The following SLC9A2 variants were observed in gnomAD, a reference collection of about 807,000 sequenced individuals.
SLC9A2 encodes the protein solute carrier family 9 member A2, also known as sodium/hydrogen exchanger 2.
Under a neutral mutation model 71.7 loss-of-function variants are expected in SLC9A2, and 42 were observed. The ratio of observed to expected loss-of-function variants is 0.59; its 90% CI spans 0.46 to 0.76. SLC9A2 has a LOEUF of 0.76. Ranked by LOEUF, SLC9A2 falls within the 30% of genes least tolerant of loss-of-function variation. The pLI is 0.00. For synonymous variants in SLC9A2, 396 were observed against 392.5 expected (o/e 1.01, Z -0.10); for missense variants, 829 against 1,017.4 (o/e 0.81, Z 2.52).
chr2:102,700,862 C>A (rs1677859835), intron 7 of SLC9A2, among the ~76,000 whole-genome samples: 1 of 151,798 alleles, frequency 6.6e-6, no homozygotes, highest in Non-Finnish European at 1.5e-5. Flanking sequence ...CATACATATA[C>A]ATACGCATAC....
At chr2:102,671,844 G>A (rs973297728) in intron 3 of SLC9A2, among the ~76,000 whole-genome samples, 4 of 152,286 alleles carry the variant, frequency 2.6e-5, no homozygotes, top group South Asian at 4.1e-4. Context: ...GGTGGCTCAC[G>A]CTTGCAATCC....
rs1678007888 is a variant in SLC9A2 at position 102,707,657 on chromosome 2, G to C, written c.2069-462G>C. Among the ~76,000 whole-genome samples, 3 of 152,322 alleles carry C rather than the reference G, an allele frequency of 2.0e-5. No homozygotes were observed. In the South Asian group the frequency reaches 6.2e-4, roughly 32 times the overall value. On this transcript the variant is annotated intron_variant, in intron 11 of 11. Coordinates refer to ENST00000233969, the MANE Select transcript of SLC9A2 (RefSeq NM_003048.6). ...GATCAAGGCAAGAATCTTCTCCATAGCAGGTGATTATCAGACTGCCTACTG... is the reference window on the plus strand; with the variant it reads ...GATCAAGGCAAGAATCTTCTCCATACCAGGTGATTATCAGACTGCCTACTG...
chr2:102,645,019 A>AG (rs1676690318), intron 1 of SLC9A2, among the ~76,000 whole-genome samples: 1 of 152,286 alleles, frequency 6.6e-6, no homozygotes, highest in Non-Finnish European at 1.5e-5. Context: ...ACCTCCCAGC[A>AG]GGGGTCGACA....
intron 1 of SLC9A2, among the ~76,000 whole-genome samples, chr2:102,643,473 G>C (rs1676651250): frequency 6.6e-6 from 1 of 152,178 alleles, no homozygotes; most frequent in South Asian, 2.1e-4. Context: ...TCTAGATAAA[G>C]CCGGCTATTG....
At chr2:102,665,453 T>C in intron 3 of SLC9A2, 103 bp downstream of exon 3, 2 of 1,240,446 alleles carry the variant, frequency 1.6e-6, no homozygotes, top group African/African-American at 3.0e-5. Context: ...AAACACTAGG[T>C]TTTCTTATTC....
chr2:102,627,178 G>A (rs1676267238), intron 1 of SLC9A2, among the ~76,000 whole-genome samples: 1 of 152,012 alleles, frequency 6.6e-6, no homozygotes, highest in African/African-American at 2.4e-5. Context: ...AGCCAGGTTT[G>A]GTGGCCTGTG....
chr2:102,667,762 A>G (rs1677168751), intron 3 of SLC9A2, among the ~76,000 whole-genome samples: 1 of 152,100 alleles, frequency 6.6e-6, no homozygotes, highest in Non-Finnish European at 1.5e-5. Context: ...AAATTTCTTT[A>G]TTACATTTAA....
intron 3 of SLC9A2, among the ~76,000 whole-genome samples, chr2:102,669,811 G>T (rs530934031): frequency 6.6e-6 from 1 of 152,122 alleles, no homozygotes; most frequent in South Asian, 2.1e-4. Flanking sequence ...ATCAACTTAA[G>T]CCAAAGTTTG....
At chr2:102,672,912 T>C (rs1204951024) in intron 3 of SLC9A2, among the ~76,000 whole-genome samples, 1 of 152,210 alleles carries the variant, frequency 6.6e-6, no homozygotes, top group Non-Finnish European at 1.5e-5. Flanking sequence ...TTTTCATCTC[T>C]GTTTTTATCT....
At chr2:102,648,295 C>T (rs1295390200) in intron 1 of SLC9A2, among the ~76,000 whole-genome samples, 1 of 152,166 alleles carries the variant, frequency 6.6e-6, no homozygotes, top group Non-Finnish European at 1.5e-5. Context: ...TTCAACACCC[C>T]TTCATGCCAA....
chr2:102,626,611 G>C (rs1033134931), intron 1 of SLC9A2, among the ~76,000 whole-genome samples: 6 of 152,086 alleles, frequency 3.9e-5, no homozygotes, highest in Admixed American at 3.9e-4. Context: ...ACAGCAAAAT[G>C]AACTACCATC....
Position 102,702,489 on chromosome 2 carries a change from A to G in SLC9A2, c.1832A>G (p.Gln611Arg). The G allele has an allele frequency of 6.3e-7, 1 of 1,579,476 alleles. No individual in the cohort carries two copies. The highest frequency in any genetic ancestry group is 1.4e-5 in the African/African-American group (1 of 73,720). Residue 611 changes from glutamine (Q) to arginine (R), a missense_variant, in exon 9 of 12, where the codon CAA becomes CGA. Around this residue, in one of 3 missense-constraint regions of SLC9A2, gnomAD observed 500 missense variants for 726.3 expected, o/e 0.69. Coordinates refer to ENST00000233969, the MANE Select transcript of SLC9A2 (RefSeq NM_003048.6). ...IRELLSRNLY[Q>R]IRQRTLSYNR... Reference sequence around the variant, plus strand: ...GAACTCTTATCAAGAAATCTCTATCAAATCCGTCAGCGAGTAAGAATAATT... The same window carrying G: ...GAACTCTTATCAAGAAATCTCTATCGAATCCGTCAGCGAGTAAGAATAATT...
At chr2:102,630,352 G>T (rs970379942) in intron 1 of SLC9A2, among the ~76,000 whole-genome samples, 1 of 151,730 alleles carries the variant, frequency 6.6e-6, no homozygotes, top group African/African-American at 2.4e-5. Context: ...CTGAGTGTAG[G>T]GTTTGGTGTT....
chr2:102,647,690 A>G (rs1323772076), intron 1 of SLC9A2, among the ~76,000 whole-genome samples: 2 of 152,204 alleles, frequency 1.3e-5, no homozygotes, highest in African/African-American at 2.4e-5. Context: ...AATACAAAAT[A>G]CCATCAGAGA....
At chr2:102,658,096 C>A in intron 2 of SLC9A2, 69 bp downstream of exon 2, 2 of 1,218,914 alleles carry the variant, frequency 1.6e-6, no homozygotes, top group Non-Finnish European at 2.3e-6. Flanking sequence ...TGGCTCTCTG[C>A]ACCTCAACTG....
intron 1 of SLC9A2, among the ~76,000 whole-genome samples, chr2:102,632,150 A>ATGTG (rs1246773910): frequency 0.013 from 682 of 53,506 alleles, 10 homozygotes; most frequent in African/African-American, 0.036. Context: ...ATATATACAT[A>ATGTG]TATACACATA....
chr2:102,643,917 T>A (rs1428526169), intron 1 of SLC9A2, among the ~76,000 whole-genome samples: 2 of 152,080 alleles, frequency 1.3e-5, no homozygotes, highest in African/African-American at 2.4e-5. Flanking sequence ...TTACTTTTTT[T>A]TTTTTGCACA....
chr2:102,693,610 GC>G (rs1235922648), intron 5 of SLC9A2, among the ~76,000 whole-genome samples: 2 of 152,166 alleles, frequency 1.3e-5, no homozygotes, highest in Admixed American at 6.5e-5. Context: ...GCGGTGCTTT[GC>G]TGTGCTGTGG....
At chr2:102,664,250 C>T (rs1296785873) in intron 2 of SLC9A2, among the ~76,000 whole-genome samples, 1 of 150,598 alleles carries the variant, frequency 6.6e-6, no homozygotes, top group African/African-American at 2.4e-5. Context: ...CCACTGTACT[C>T]CAGCCTGAGT....
Sources: gnomAD v4.1 joint callset for allele counts (sites outside exome capture counted in the v4.1 genomes callset) on GRCh38, gnomAD v4.1.1 for gene constraint, gnomAD v4.1.1 regional missense constraint, MANE v1.5 for transcripts, NCBI Gene and HGNC (gene_info 2026-07-23, HGNC 2026-07-21) for gene names.